Variants in ZFAT observed in about 807,000 individuals in gnomAD.
The protein encoded by ZFAT is zinc finger protein ZFAT.
Under a neutral mutation model 117.7 loss-of-function variants are expected in ZFAT, and 64 were observed. The observed-to-expected ratio is 0.54, with a 90% CI of 0.44 to 0.67. The LOEUF (loss-of-function observed/expected upper bound fraction) is 0.67. ZFAT is among the 30% of genes least tolerant of loss of function. The pLI is 0.00. For missense variants in ZFAT, 1,433 were observed against 1,584.5 expected, an observed-to-expected ratio of 0.90 and a Z score of 1.62; for synonymous variants, 679 against 615.0, an observed-to-expected ratio of 1.10 and a Z score of -1.54.
intron 9 of ZFAT, among the ~76,000 whole-genome samples, chr8:134,584,258 C>A (rs771372104): frequency 1.3e-5 from 2 of 152,192 alleles, no homozygotes; most frequent in Non-Finnish European, 2.9e-5. Flanking sequence ...CTCCACCCTG[C>A]AGCTTTCTCT....
chr8:134,536,216 A>T (rs189782799), intron 11 of ZFAT, among the ~76,000 whole-genome samples: 24 of 152,318 alleles, frequency 1.6e-4, no homozygotes, highest in African/African-American at 5.5e-4. Flanking sequence ...CAAAATTTTC[A>T]ATTCTGAGAG....
At chr8:134,645,583 A>C (rs1830839379) in intron 2 of ZFAT, among the ~76,000 whole-genome samples, 1 of 152,244 alleles carries the variant, frequency 6.6e-6, no homozygotes, top group African/African-American at 2.4e-5. Flanking sequence ...CTCAATGATA[A>C]GAATTTGATT....
At chr8:134,496,932 G>A (rs1218153186) in intron 15 of ZFAT, among the ~76,000 whole-genome samples, 5 of 152,230 alleles carry the variant, frequency 3.3e-5, no homozygotes, top group African/African-American at 9.6e-5. Flanking sequence ...GCTGACCACC[G>A]GGTCTAACCT....
chr8:134,812,070 G>A, the ZFAT span, among the ~76,000 whole-genome samples: 1 of 152,074 alleles, frequency 6.6e-6, no homozygotes, highest in Non-Finnish European at 1.5e-5. Context: ...CCTGAACCTG[G>A]GAGGCAGAGG....
chr8:134,808,192 G>GT, the ZFAT span, among the ~76,000 whole-genome samples: 1 of 152,184 alleles, frequency 6.6e-6, no homozygotes, highest in Non-Finnish European at 1.5e-5. Context: ...ATGCAGAAAC[G>GT]TATGTAGTAT....
intron 10 of ZFAT, among the ~76,000 whole-genome samples, chr8:134,581,870 A>T (rs6577656): frequency 6.6e-6 from 1 of 152,068 alleles, no homozygotes. Context: ...GATTATAGGC[A>T]TGAGCCACTG....
Position 134,602,819 on chromosome 8 carries a change from C to A in ZFAT, c.900G>T (p.Lys300Asn), listed in dbSNP as rs373036599. 7 of 1,614,060 alleles carry A rather than the reference C, an allele frequency of 4.3e-6. No individual in the cohort carries two copies. The highest frequency in any genetic ancestry group is 5.9e-6 in the Non-Finnish European group (7 of 1,180,042). ...LRIHTNEKPY[K>N]CPQCSYASAI... is the part of the protein sequence containing the mutation. ...CACTGGCATAGCTGCACTGGGGGCACTTGTATGGCTTTTCATTGGTGTGGA... is the reference window on the plus strand; with the variant it reads ...CACTGGCATAGCTGCACTGGGGGCAATTGTATGGCTTTTCATTGGTGTGGA... Residue 300 changes from lysine to asparagine, a missense_variant, in exon 6 of 16, where the codon AAG becomes AAT. Lys to Asn is a moderately conservative substitution (Grantham distance 94). This residue lies in a region of ZFAT where 436 missense variants were observed against 482.0 expected (regional missense o/e 0.90). Transcript: ENST00000377838.
the ZFAT span, among the ~76,000 whole-genome samples, chr8:134,812,031 C>T: frequency 6.6e-6 from 1 of 152,076 alleles, no homozygotes; most frequent in African/African-American, 2.4e-5. Context: ...GTAATCCCAG[C>T]TACTCGAGAA....
intron 4 of ZFAT, 92 bp from the exon 5 acceptor site, chr8:134,608,971 A>C (rs949447351): frequency 7.0e-7 from 1 of 1,426,726 alleles, no homozygotes; most frequent in Non-Finnish European, 9.3e-7. Context: ...TGGGAAGTCT[A>C]TTTCTATACT....
At chr8:134,550,328 A>C (rs976851656) in intron 11 of ZFAT, among the ~76,000 whole-genome samples, 5 of 151,594 alleles carry the variant, frequency 3.3e-5, no homozygotes, top group African/African-American at 7.3e-5. Flanking sequence ...AAAAAAAAAA[A>C]AAAACAGCAC....
chr8:134,770,495 C>T, the ZFAT span, among the ~76,000 whole-genome samples: 6 of 152,174 alleles, frequency 3.9e-5, no homozygotes, highest in Admixed American at 3.9e-4. Flanking sequence ...TTACTTTAAT[C>T]TCTTAATCCT....
intron 15 of ZFAT, among the ~76,000 whole-genome samples, chr8:134,491,495 A>G (rs1818054772): frequency 6.6e-6 from 1 of 152,252 alleles, no homozygotes; most frequent in Non-Finnish European, 1.5e-5. Flanking sequence ...TCTAGAGTTC[A>G]GAAGTTTGAA....
chr8:134,620,056 T>A (rs1292504147), intron 3 of ZFAT, among the ~76,000 whole-genome samples: 1 of 152,190 alleles, frequency 6.6e-6, no homozygotes, highest in Non-Finnish European at 1.5e-5. Context: ...AGTGTAATAC[T>A]GTGTTAAGGT....
intron 1 of ZFAT, among the ~76,000 whole-genome samples, chr8:134,704,113 G>C (rs564046623): frequency 6.6e-6 from 1 of 152,130 alleles, no homozygotes; most frequent in African/African-American, 2.4e-5. Context: ...ACTTCACCCA[G>C]TTCTGCTTCC....
chr8:134,491,563 C>CT (rs1305191588), intron 15 of ZFAT, among the ~76,000 whole-genome samples: 1 of 152,226 alleles, frequency 6.6e-6, no homozygotes, highest in Non-Finnish European at 1.5e-5. Flanking sequence ...CGGCTGGAGA[C>CT]TTTAAGAGAG....
In ZFAT at chr8:134,553,192, C is replaced by G. The variant is rs558672643; in HGVS notation, c.2976+12141G>C. On this transcript the variant is annotated intron_variant, in intron 11 of 15. Coordinates refer to ENST00000377838, the MANE Select transcript of ZFAT (RefSeq NM_020863.4). ...AGAAGGAGGCTGTTTATTAAGAACTCTGGGTGGGAGACATACCTGGTAAAA... is the reference window on the plus strand; with the variant it reads ...AGAAGGAGGCTGTTTATTAAGAACTGTGGGTGGGAGACATACCTGGTAAAA... Among the ~76,000 whole-genome samples, 271 of 152,302 alleles carry G rather than the reference C, an allele frequency of 1.8e-3. 1 individual carries two copies. Among genetic ancestry groups the G allele is most frequent in the Middle Eastern group, 0.01 (3 of 294 alleles).
intron 11 of ZFAT, among the ~76,000 whole-genome samples, chr8:134,542,029 G>A (rs1464433719): frequency 6.6e-6 from 1 of 152,152 alleles, no homozygotes; most frequent in African/African-American, 2.4e-5. Context: ...AGGCCAGCTG[G>A]TAACTTTCTT....
upstream of ZFAT, among the ~76,000 whole-genome samples, chr8:134,713,542 C>T (rs1200906263): frequency 6.6e-6 from 1 of 152,162 alleles, no homozygotes; most frequent in African/African-American, 2.4e-5. Context: ...GGCTACAGAG[C>T]ACTGAGCGGC....
the ZFAT span, among the ~76,000 whole-genome samples, chr8:134,750,944 A>G: frequency 1.3e-5 from 2 of 152,274 alleles, no homozygotes; most frequent in African/African-American, 4.8e-5. Context: ...CAAAGGAGAT[A>G]TATAATGAAT....
Sources: gnomAD v4.1 joint callset for allele counts (sites outside exome capture counted in the v4.1 genomes callset) on GRCh38, gnomAD v4.1.1 for gene constraint, gnomAD v4.1.1 regional missense constraint, MANE v1.5 for transcripts, NCBI Gene and HGNC (gene_info 2026-07-23, HGNC 2026-07-21) for gene names.